VGLL4: variants seen among roughly 807,000 people sequenced by gnomAD.
The protein encoded by VGLL4 is vestigial like family member 4.
VGLL4 carries 7 observed loss-of-function variants against 21.0 expected under a neutral mutation model. The observed-to-expected ratio is 0.33, with a 90% confidence interval of 0.19 to 0.63. VGLL4 has a LOEUF of 0.63. VGLL4 is among the 20% of genes least tolerant of loss of function. The pLI, the probability that VGLL4 is intolerant of heterozygous loss-of-function variation, is 0.78. For missense variants in VGLL4, 394 were observed against 425.7 expected (o/e 0.93, Z 0.66); for synonymous variants, 222 against 173.2 (o/e 1.28, Z -2.21).
intron 1 of VGLL4, among the ~76,000 whole-genome samples, chr3:11,606,940 C>G (rs111794056): frequency 0.021 from 3,155 of 152,210 alleles, 104 homozygotes; most frequent in African/African-American, 0.071. Flanking sequence ...GCGAAGGTCC[C>G]CAGCTTCATT....
intron 2 of VGLL4, among the ~76,000 whole-genome samples, 182 bp downstream of exon 2, chr3:11,601,651 G>A (rs1056939782): frequency 1.3e-5 from 2 of 152,188 alleles, no homozygotes; most frequent in Admixed American, 6.5e-5. Context: ...ACCTCACCGC[G>A]AGTTATCAAA....
intron 2 of VGLL4, among the ~76,000 whole-genome samples, chr3:11,574,783 ATATG>A (rs1553723601): frequency 0.022 from 2,451 of 111,530 alleles, 27 homozygotes; most frequent in African/African-American, 0.056. Flanking sequence ...ATTCAACTAT[ATATG>A]TGTGTGTGTG....
intron 2 of VGLL4, among the ~76,000 whole-genome samples, chr3:11,657,195 T>C (rs1400865043): frequency 6.6e-6 from 1 of 152,186 alleles, no homozygotes; most frequent in African/African-American, 2.4e-5. Flanking sequence ...CTCTGTGTTG[T>C]CTGCCCGAGC....
intron 1 of VGLL4, among the ~76,000 whole-genome samples, chr3:11,626,811 C>A (rs1194823691): frequency 6.6e-6 from 1 of 152,048 alleles, no homozygotes; most frequent in Non-Finnish European, 1.5e-5. Context: ...AGCATGATAA[C>A]CAAAAGTGTC....
Position 11,658,074 on chromosome 3 carries a change from C to A in VGLL4, c.64+44897G>T, listed in dbSNP as rs140272958. ...TCAGTCTCCGGAGCAGCTGATACTA[C>A]AAATGTGCACCACCACACCTGGCTA... is the stretch of plus-strand genomic sequence containing the variant. On this transcript the variant is annotated intron_variant, in intron 2 of 5. Transcript: ENST00000273038. Among the ~76,000 whole-genome samples the A allele has an allele frequency of 3.3e-4, 50 of 151,614 alleles. 1 individual carries two copies. Among genetic ancestry groups the A allele is most frequent in the East Asian group, 1.9e-3 (10 of 5,176 alleles).
chr3:11,579,838 C>T (rs1203304444), intron 2 of VGLL4, among the ~76,000 whole-genome samples: 1 of 152,108 alleles, frequency 6.6e-6, no homozygotes, highest in African/African-American at 2.4e-5. Context: ...TCACGCATCA[C>T]ATCTGTCGAT....
At chr3:11,587,819 A>G (rs770789748) in intron 2 of VGLL4, among the ~76,000 whole-genome samples, 2 of 150,752 alleles carry the variant, frequency 1.3e-5, no homozygotes, top group African/African-American at 2.5e-5. Flanking sequence ...CAGAGGAGTG[A>G]AAAAAATCAT....
chr3:11,687,469 T>G (rs2076466268), intron 2 of VGLL4, among the ~76,000 whole-genome samples: 1 of 152,086 alleles, frequency 6.6e-6, no homozygotes, highest in South Asian at 2.1e-4. Flanking sequence ...TGAGTTTTGT[T>G]TTTGTTTTTG....
chr3:11,621,622 C>T (rs1029393794), intron 1 of VGLL4, among the ~76,000 whole-genome samples: 1 of 152,150 alleles, frequency 6.6e-6, no homozygotes, highest in African/African-American at 2.4e-5. Context: ...AATAATACTT[C>T]TATGGACATT....
chr3:11,593,032 G>T (rs908982794), intron 2 of VGLL4, among the ~76,000 whole-genome samples: 1 of 152,190 alleles, frequency 6.6e-6, no homozygotes, highest in East Asian at 1.9e-4. Context: ...ACAATAACTT[G>T]TTTTGCCTAT....
At chr3:11,649,920 G>A (rs1301777152) in intron 2 of VGLL4, among the ~76,000 whole-genome samples, 3 of 135,582 alleles carry the variant, frequency 2.2e-5, no homozygotes, top group African/African-American at 8.5e-5. Context: ...GTTTGGTTTG[G>A]TTTGGTTTGG....
upstream of VGLL4, among the ~76,000 whole-genome samples, chr3:11,646,299 T>C (rs2075791210): frequency 1.3e-5 from 2 of 152,252 alleles, no homozygotes; most frequent in South Asian, 4.1e-4. Context: ...CAGATTTAAA[T>C]TTAACTGATA....
At position 11,561,099 on chromosome 3, in the gene VGLL4, G is replaced by A. The variant is rs75067820; in HGVS notation, c.496-1644C>T. Among the ~76,000 whole-genome samples, 972 of 151,588 alleles carry A rather than the reference G, an allele frequency of 6.4e-3. 16 individuals are homozygous for A. The East Asian group carries it at 0.072, about 11-fold the overall frequency. Reference sequence around the variant, plus strand: ...GGCCAGGCCCTTCCTGAGCCTGGCTGCACCCATGACCTTGGGCTCTAGGAG... The same window carrying A: ...GGCCAGGCCCTTCCTGAGCCTGGCTACACCCATGACCTTGGGCTCTAGGAG... On this transcript the variant is annotated intron_variant, in intron 3 of 4. Coordinates refer to ENST00000430365, the MANE Select transcript of VGLL4 (RefSeq NM_001128219.3).
At chr3:11,629,495 ACCT>A (rs1218110476) in intron 1 of VGLL4, among the ~76,000 whole-genome samples, 2 of 152,078 alleles carry the variant, frequency 1.3e-5, no homozygotes. Flanking sequence ...GGGGGCTCAC[ACCT>A]GTAATCCCAG....
intron 2 of VGLL4, among the ~76,000 whole-genome samples, chr3:11,566,690 C>A (rs1218753445): frequency 6.6e-6 from 1 of 152,186 alleles, no homozygotes; most frequent in Non-Finnish European, 1.5e-5. Flanking sequence ...CCCTCCTCCC[C>A]GTCCTGCGCT....
At chr3:11,569,022 G>C (rs914359003) in intron 2 of VGLL4, 12 of 855,352 alleles carry the variant, frequency 1.4e-5, no homozygotes, top group African/African-American at 1.8e-5. Context: ...TCTGAGTACT[G>C]AAAGCCACAC....
At chr3:11,599,089 A>C (rs957246135) in intron 2 of VGLL4, among the ~76,000 whole-genome samples, 2 of 152,180 alleles carry the variant, frequency 1.3e-5, no homozygotes, top group South Asian at 2.1e-4. Context: ...ACGAAGAAGT[A>C]AGACAGGCAG....
At chr3:11,594,045 G>A (rs1020055575) in intron 2 of VGLL4, among the ~76,000 whole-genome samples, 2 of 152,212 alleles carry the variant, frequency 1.3e-5, no homozygotes, top group East Asian at 1.9e-4. Flanking sequence ...CAACGGGAAC[G>A]TGGGCTCAAA....
chr3:11,556,551 G>GTTCTC lies in VGLL4; in HGVS notation c.*2000_*2004dup. ...TCGTGGCTATGAATGCAGATGCAGTGTTCTCATAGAATAACTGTTCCTGCA... is the reference window on the plus strand; with the variant it reads ...TCGTGGCTATGAATGCAGATGCAGTGTTCTCTTCTCATAGAATAACTGTTCCTGCA... On this transcript the variant is annotated 3_prime_UTR_variant, in exon 5 of 5. Transcript: ENST00000430365. 1 of 152,536 alleles carries GTTCTC rather than the reference G, an allele frequency of 6.6e-6. No homozygotes were observed. Among genetic ancestry groups the GTTCTC allele is most frequent in the South Asian group, 2.1e-4 (1 of 4,814 alleles). 9.4% of individuals were successfully genotyped at this position (152,536 alleles called of 1,614,324 possible). A position where few individuals can be genotyped will look rare whatever the true frequency, so the allele number is the denominator to read the frequency against.
Sources: gnomAD v4.1 joint callset for allele counts (sites outside exome capture counted in the v4.1 genomes callset) on GRCh38, gnomAD v4.1.1 for gene constraint, MANE v1.5 for transcripts, NCBI Gene and HGNC (gene_info 2026-07-23, HGNC 2026-07-21) for gene names.